HCN1: variants seen among roughly 807,000 people sequenced by gnomAD.
The protein encoded by HCN1 is potassium/sodium hyperpolarization-activated cyclic nucleotide-gated channel 1.
In HCN1, 13 loss-of-function variants were observed where a neutral mutation model predicts 78.9. The ratio of observed to expected loss-of-function variants is 0.16; its 90% CI spans 0.11 to 0.26. HCN1 has a LOEUF of 0.26. Ranked by LOEUF, HCN1 falls within the 10% of genes least tolerant of loss-of-function variation. The pLI is 1.00. For missense variants in HCN1, 810 were observed against 1,154.3 expected (o/e 0.70, Z 4.32); for synonymous variants, 552 against 455.5 (o/e 1.21, Z -2.70).
intron 2 of HCN1, among the ~76,000 whole-genome samples, chr5:45,632,232 C>A (rs933118670): frequency 6.6e-6 from 1 of 151,686 alleles, no homozygotes; most frequent in Non-Finnish European, 1.5e-5. Context: ...TTTATAGCAG[C>A]CTGAGTCTCT....
chr5:45,562,595 T>A (rs1743627511), intron 2 of HCN1, among the ~76,000 whole-genome samples: 1 of 152,080 alleles, frequency 6.6e-6, no homozygotes, highest in Non-Finnish European at 1.5e-5. Flanking sequence ...AACACCAATA[T>A]GAAGCTATTA....
chr5:45,475,810 T>G (rs1741501686), intron 2 of HCN1, among the ~76,000 whole-genome samples: 1 of 152,130 alleles, frequency 6.6e-6, no homozygotes, highest in South Asian at 2.1e-4. Context: ...AAAAATGCAC[T>G]TTTAGTTTGA....
intron 5 of HCN1, among the ~76,000 whole-genome samples, chr5:45,352,041 A>G (rs1216768894): frequency 6.6e-6 from 1 of 152,180 alleles, no homozygotes; most frequent in Non-Finnish European, 1.5e-5. Context: ...TACCCAAAGG[A>G]CTATAAATCA....
At chr5:45,511,594 A>G (rs1742417476) in intron 2 of HCN1, among the ~76,000 whole-genome samples, 1 of 152,086 alleles carries the variant, frequency 6.6e-6, no homozygotes, top group Non-Finnish European at 1.5e-5. Flanking sequence ...GTAACAATAC[A>G]AAAATCAGAC....
At position 45,695,870 on chromosome 5, in the gene HCN1, T is replaced by TCGCCGC. The variant is rs747975797; in HGVS notation, c.218_223dup (p.Gly73_Gly74dup). On this transcript the variant is annotated inframe_insertion, in exon 1 of 8. Transcript: ENST00000303230. ...GTCTTCGAAGCCCCCCGCCGGCTCC[T>TCGCCGC]CGCCGCCGCCGCCGCCGCCGCCACC... 1.1e-4 allele frequency: 169 copies of TCGCCGC among 1,563,460 alleles called. No homozygotes were observed. Among genetic ancestry groups the TCGCCGC allele is most frequent in the South Asian group, 2.2e-4 (19 of 86,486 alleles).
intron 2 of HCN1, among the ~76,000 whole-genome samples, chr5:45,477,464 T>C (rs570554607): frequency 6.6e-6 from 1 of 152,110 alleles, no homozygotes; most frequent in South Asian, 2.1e-4. Context: ...TTCTTCAAAA[T>C]AGGAGAGAAT....
Position 45,339,506 on chromosome 5 carries a change from C to T in HCN1, c.1377+13594G>A, listed in dbSNP as rs142236002. ...AAGCATTAATGTGAAGAAAGGAAGACTAAGGCAGGCCATGAAGAGCCTCTG... is the reference window on the plus strand; with the variant it reads ...AAGCATTAATGTGAAGAAAGGAAGATTAAGGCAGGCCATGAAGAGCCTCTG... On this transcript the variant is annotated intron_variant, in intron 5 of 7. Coordinates refer to ENST00000303230, the MANE Select transcript of HCN1 (RefSeq NM_021072.4). Among the ~76,000 whole-genome samples, 103 of 152,244 alleles carry T rather than the reference C, an allele frequency of 6.8e-4. 1 individual carries two copies. The East Asian group carries it at 0.012, about 18-fold the overall frequency.
chr5:45,315,564 C>T (rs979561893), intron 5 of HCN1, among the ~76,000 whole-genome samples: 2 of 152,082 alleles, frequency 1.3e-5, no homozygotes, highest in Non-Finnish European at 1.5e-5. Flanking sequence ...TAACTAAGAT[C>T]AGAGCAGAAC....
chr5:45,406,397 C>G (rs1246822831), intron 3 of HCN1, among the ~76,000 whole-genome samples: 2 of 152,154 alleles, frequency 1.3e-5, no homozygotes, highest in African/African-American at 4.8e-5. Flanking sequence ...TTATTTACTG[C>G]AAGGTACTAT....
intron 6 of HCN1, among the ~76,000 whole-genome samples, chr5:45,302,382 T>A (rs554539876): frequency 6.6e-6 from 1 of 152,110 alleles, no homozygotes; most frequent in African/African-American, 2.4e-5. Context: ...CCCAGCTATG[T>A]GGAACTGTGA....
intron 3 of HCN1, among the ~76,000 whole-genome samples, chr5:45,402,804 CTTTCTT>C (rs1378231772): frequency 2.2e-5 from 3 of 136,904 alleles, no homozygotes; most frequent in Admixed American, 7.4e-5. Flanking sequence ...CCTTTCTTTC[CTTTCTT>C]TCCTCCTTCC....
At chr5:45,500,830 A>G (rs1043071438) in intron 2 of HCN1, among the ~76,000 whole-genome samples, 6 of 152,152 alleles carry the variant, frequency 3.9e-5, no homozygotes, top group African/African-American at 1.2e-4. Flanking sequence ...AATTTTCTGG[A>G]GGCTAACTCA....
At chr5:45,282,288 A>G (rs1745184590) in intron 6 of HCN1, among the ~76,000 whole-genome samples, 1 of 152,212 alleles carries the variant, frequency 6.6e-6, no homozygotes, top group East Asian at 1.9e-4. Flanking sequence ...CCCAATATCA[A>G]TGTAAAACAT....
chr5:45,579,281 A>G lies in HCN1; in HGVS notation c.849+65904T>C, dbSNP rs374594353. 8.5e-5 allele frequency among the ~76,000 whole-genome samples: 13 copies of G among 152,140 alleles called. No homozygotes were observed. The South Asian group carries it at 2.7e-3, about 31-fold the overall frequency. ...CTCTTAATAGCTGACTCAGATCAGTATTGTTTCCTTTATACCAAGCTGTAG... is the reference window on the plus strand; with the variant it reads ...CTCTTAATAGCTGACTCAGATCAGTGTTGTTTCCTTTATACCAAGCTGTAG... On this transcript the variant is annotated intron_variant, in intron 2 of 7. Transcript: ENST00000303230.
intron 2 of HCN1, among the ~76,000 whole-genome samples, chr5:45,534,397 T>C (rs905980950): frequency 1.7e-5 from 1 of 58,810 alleles, no homozygotes; most frequent in Non-Finnish European, 3.0e-5. Flanking sequence ...AGAGTGAGAC[T>C]GCATCTCAAA....
chr5:45,656,930 T>C (rs933084900), intron 1 of HCN1, among the ~76,000 whole-genome samples: 5 of 152,060 alleles, frequency 3.3e-5, no homozygotes, highest in Admixed American at 6.6e-5. Context: ...CTAGTATATG[T>C]TCTTTTCCCT....
At chr5:45,383,004 CTATA>C (rs1213765703) in intron 4 of HCN1, among the ~76,000 whole-genome samples, 3 of 151,990 alleles carry the variant, frequency 2.0e-5, no homozygotes, top group African/African-American at 4.8e-5. Flanking sequence ...AAAATGATCT[CTATA>C]TAGGAGGTTT....
intron 2 of HCN1, among the ~76,000 whole-genome samples, chr5:45,617,600 G>T (rs1174297532): frequency 2.0e-5 from 3 of 152,002 alleles, no homozygotes; most frequent in Non-Finnish European, 4.4e-5. Flanking sequence ...TGAACAAAAT[G>T]GTATGGTGAA....
intron 3 of HCN1, among the ~76,000 whole-genome samples, chr5:45,446,686 C>G (rs1394168110): frequency 6.6e-6 from 1 of 152,202 alleles, no homozygotes; most frequent in East Asian, 1.9e-4. Context: ...AACAGTGGAT[C>G]TCTCAGCAGA....
Sources: gnomAD v4.1 joint callset for allele counts (sites outside exome capture counted in the v4.1 genomes callset) on GRCh38, gnomAD v4.1.1 for gene constraint, MANE v1.5 for transcripts, NCBI Gene and HGNC (gene_info 2026-07-23, HGNC 2026-07-21) for gene names.